Variants in SNX30 observed in about 807,000 individuals in gnomAD.
The protein encoded by SNX30 is sorting nexin-30.
Under a neutral mutation model 46.4 loss-of-function variants are expected in SNX30, and 24 were observed. That is an observed-to-expected ratio of 0.52 (90% CI 0.37 to 0.73). The LOEUF (loss-of-function observed/expected upper bound fraction) is 0.73. SNX30 is among the 30% of genes least tolerant of loss of function. The pLI, the probability that SNX30 is intolerant of heterozygous loss-of-function variation, is 0.00. For synonymous variants in SNX30, 189 were observed against 211.5 expected, an observed-to-expected ratio of 0.89 and a Z score of 0.92; for missense variants, 533 against 555.7, an observed-to-expected ratio of 0.96 and a Z score of 0.41.
intron 2 of SNX30, among the ~76,000 whole-genome samples, chr9:112,807,658 C>T (rs1399529001): frequency 2.6e-5 from 4 of 152,174 alleles, no homozygotes; most frequent in African/African-American, 4.8e-5. Context: ...ACAAAGTGAC[C>T]GCCTTGCTGG....
chr9:112,777,593 G>A (rs536748709), intron 1 of SNX30, among the ~76,000 whole-genome samples: 1,497 of 124,898 alleles, frequency 0.012, 24 homozygotes, highest in African/African-American at 0.042. Context: ...CACCCAGCTA[G>A]TTTTTAATTT....
At chr9:112,855,369 G>A (rs1841105895) in intron 7 of SNX30, among the ~76,000 whole-genome samples, 1 of 152,156 alleles carries the variant, frequency 6.6e-6, no homozygotes, top group Admixed American at 6.5e-5. Context: ...CCCTGGTATG[G>A]GCATGGTCAG....
chr9:112,767,126 T>C (rs1487601551), intron 1 of SNX30, among the ~76,000 whole-genome samples: 3 of 151,246 alleles, frequency 2.0e-5, no homozygotes, highest in Admixed American at 6.6e-5. Context: ...ATTATTTTAT[T>C]TTTTTTTTTT....
intron 3 of SNX30, among the ~76,000 whole-genome samples, chr9:112,824,720 C>T (rs773642570): frequency 2.6e-5 from 4 of 152,216 alleles, no homozygotes; most frequent in Middle Eastern, 3.4e-3. Context: ...CATTCCTTGG[C>T]TCATGGCCTC....
intron 8 of SNX30, among the ~76,000 whole-genome samples, chr9:112,865,755 GTGTGTA>G (rs1841330061): frequency 1.1e-4 from 16 of 147,334 alleles, no homozygotes; most frequent in African/African-American, 3.8e-4. Context: ...GTGTGTGTGT[GTGTGTA>G]TGTATGTATG....
chr9:112,807,712 G>C (rs1229557003), intron 2 of SNX30, among the ~76,000 whole-genome samples: 2 of 152,192 alleles, frequency 1.3e-5, no homozygotes, highest in Non-Finnish European at 2.9e-5. Flanking sequence ...TCAGCTTCTT[G>C]ATTTTTCTGC....
intron 7 of SNX30, among the ~76,000 whole-genome samples, chr9:112,852,240 G>A (rs4367629): frequency 0.8 from 121,232 of 151,698 alleles, 48,631 homozygotes; most frequent in South Asian, 0.87. Flanking sequence ...GGCAGCATAG[G>A]GAGACCCTAT....
At chr9:112,804,662 G>C (rs1437962303) in intron 1 of SNX30, 114 bp from the exon 2 acceptor site, 5 of 913,142 alleles carry the variant, frequency 5.5e-6, no homozygotes, top group African/African-American at 1.7e-5. Flanking sequence ...CAGGTGTTTC[G>C]AAAGTTATTT....
chr9:112,761,855 T>C (rs903299072), intron 1 of SNX30, among the ~76,000 whole-genome samples: 3 of 152,084 alleles, frequency 2.0e-5, no homozygotes, highest in Non-Finnish European at 4.4e-5. Flanking sequence ...TTTTATTAAA[T>C]AGATGTATAA....
downstream of SNX30, among the ~76,000 whole-genome samples, chr9:112,883,591 A>G (rs1841609332): frequency 1.3e-5 from 2 of 152,006 alleles, no homozygotes; most frequent in Non-Finnish European, 2.9e-5. Flanking sequence ...ATTATCATTA[A>G]AAAAAAGAAG....
rs1228861152 is a variant in SNX30, at chr9:112,836,200, C to T, written c.619-14C>T. 2 of 1,581,694 alleles carry T rather than the reference C, an allele frequency of 1.3e-6. No homozygotes were observed. Among genetic ancestry groups the T allele is most frequent in the African/African-American group, 2.7e-5 (2 of 74,432 alleles). On this transcript the variant is annotated splice_polypyrimidine_tract_variant and intron_variant, in intron 4 of 8. Coordinates refer to ENST00000374232, the MANE Select transcript of SNX30 (RefSeq NM_001012994.2). Reference sequence around the variant, plus strand: ...TGAGTGAGTGCTTTGAGCTTATTCACATATCATCCTCAGGACCTGAACGCC... The same window carrying T: ...TGAGTGAGTGCTTTGAGCTTATTCATATATCATCCTCAGGACCTGAACGCC...
chr9:112,787,857 C>T (rs1044425080), intron 1 of SNX30, among the ~76,000 whole-genome samples: 5 of 151,270 alleles, frequency 3.3e-5, no homozygotes, highest in African/African-American at 9.7e-5. Flanking sequence ...AGTACAGTGG[C>T]GCGATCTTGG....
intron 7 of SNX30, among the ~76,000 whole-genome samples, chr9:112,853,245 G>A (rs1841062256): frequency 6.6e-6 from 1 of 152,218 alleles, no homozygotes; most frequent in Admixed American, 6.5e-5. Context: ...CACTGGCCCA[G>A]CGTATGCAGC....
At chr9:112,833,034 T>A (rs1191226046) in intron 4 of SNX30, among the ~76,000 whole-genome samples, 1 of 151,862 alleles carries the variant, frequency 6.6e-6, no homozygotes, top group Non-Finnish European at 1.5e-5. Flanking sequence ...TCTTTAAAAA[T>A]TTTTAAAATT....
At chr9:112,824,485 A>C (rs962684611) in intron 3 of SNX30, among the ~76,000 whole-genome samples, 8 of 151,948 alleles carry the variant, frequency 5.3e-5, no homozygotes, top group African/African-American at 1.9e-4. Context: ...GCTCATGGCC[A>C]ATCTTGTTTC....
intron 7 of SNX30, among the ~76,000 whole-genome samples, chr9:112,863,576 C>T (rs1841272628): frequency 6.6e-6 from 1 of 152,200 alleles, no homozygotes; most frequent in Non-Finnish European, 1.5e-5. Flanking sequence ...TATATTTCTT[C>T]TTTGAATTTC....
intron 1 of SNX30, among the ~76,000 whole-genome samples, chr9:112,777,965 A>G (rs1839776955): frequency 6.6e-6 from 1 of 152,136 alleles, no homozygotes; most frequent in African/African-American, 2.4e-5. Flanking sequence ...CTGTGGGTTG[A>G]CTACCCTCAA....
intron 1 of SNX30, among the ~76,000 whole-genome samples, chr9:112,786,976 C>T (rs1017870822): frequency 1.3e-5 from 2 of 152,150 alleles, no homozygotes; most frequent in Non-Finnish European, 2.9e-5. Flanking sequence ...CCAGTGAACA[C>T]GCTAACCATG....
intron 3 of SNX30, among the ~76,000 whole-genome samples, chr9:112,822,582 A>T (rs1476927144): frequency 6.9e-6 from 1 of 144,774 alleles, no homozygotes; most frequent in Non-Finnish European, 1.5e-5. Flanking sequence ...AGATGTACAT[A>T]ATGTGTAACA....
Sources: allele counts gnomAD v4.1 joint callset (sites outside exome capture counted in the v4.1 genomes callset), GRCh38; gene constraint gnomAD v4.1.1; transcripts MANE v1.5; gene names NCBI Gene and HGNC (gene_info 2026-07-23, HGNC 2026-07-21).